The following ARMH3 variants were observed in gnomAD, a reference collection of about 807,000 sequenced individuals.
ARMH3 encodes the protein armadillo-like helical domain-containing protein 3.
Under a neutral mutation model 99.1 loss-of-function variants are expected in ARMH3, and 60 were observed. The ratio of observed to expected loss-of-function variants is 0.61; its 90% CI spans 0.49 to 0.75. The LOEUF (loss-of-function observed/expected upper bound fraction) is 0.75, where lower values mean the gene tolerates loss of function less well. Among genes scored for constraint, ARMH3 ranks in the 30% least tolerant of loss-of-function variants. The pLI is 0.00. For missense variants in ARMH3, 679 were observed against 843.1 expected, an observed-to-expected ratio of 0.81 and a Z score of 2.41; for synonymous variants, 285 against 292.8, an observed-to-expected ratio of 0.97 and a Z score of 0.27.
intron 22 of ARMH3, among the ~76,000 whole-genome samples, chr10:101,943,264 A>G (rs1348448209): frequency 6.6e-6 from 1 of 152,232 alleles, no homozygotes; most frequent in East Asian, 1.9e-4. Context: ...ATGGAAGAAG[A>G]AACTACCCAA....
chr10:101,955,283 T>C (rs1251029087), intron 22 of ARMH3, among the ~76,000 whole-genome samples: 1 of 152,216 alleles, frequency 6.6e-6, no homozygotes, highest in Non-Finnish European at 1.5e-5. Context: ...AGAGAGGAGA[T>C]ATTTTAAAAA....
chr10:102,006,465 T>C (rs2066490073), intron 14 of ARMH3, 75 bp downstream of exon 14: 14 of 1,505,572 alleles, frequency 9.3e-6, no homozygotes, highest in Non-Finnish European at 1.2e-5. Context: ...AGGTTCTTTG[T>C]TGAACACAGC....
At chr10:102,021,530 A>G (rs1162827613) in intron 8 of ARMH3, among the ~76,000 whole-genome samples, 1 of 151,152 alleles carries the variant, frequency 6.6e-6, no homozygotes, top group East Asian at 2.0e-4. Flanking sequence ...CTACAGATGC[A>G]TATCACCACA....
intron 23 of ARMH3, among the ~76,000 whole-genome samples, chr10:101,909,817 G>A (rs533475575): frequency 1.3e-5 from 2 of 151,702 alleles, no homozygotes; most frequent in East Asian, 1.9e-4. Flanking sequence ...AGCATCTCAC[G>A]TATCTCATAT....
At chr10:102,013,302 G>T (rs1318264435) in intron 9 of ARMH3, among the ~76,000 whole-genome samples, 1 of 152,150 alleles carries the variant, frequency 6.6e-6, no homozygotes, top group Non-Finnish European at 1.5e-5. Flanking sequence ...AAAGCCACAG[G>T]AATGTAAAGG....
intron 19 of ARMH3, among the ~76,000 whole-genome samples, chr10:101,984,067 A>G (rs1846349302): frequency 6.6e-6 from 1 of 152,152 alleles, no homozygotes; most frequent in African/African-American, 2.4e-5. Flanking sequence ...TCTGCTACAG[A>G]ACTGATTGCT....
intron 24 of ARMH3, among the ~76,000 whole-genome samples, chr10:101,887,505 C>T (rs1038742451): frequency 6.6e-6 from 1 of 151,790 alleles, no homozygotes; most frequent in Non-Finnish European, 1.5e-5. Context: ...CCTGGGTTCA[C>T]CTCAGCTCCC....
chr10:102,014,142 C>A, intron 8 of ARMH3, 118 bp from the exon 9 acceptor site: 1 of 715,000 alleles, frequency 1.4e-6, no homozygotes. Context: ...AGTGATGCTC[C>A]TGATACACAG....
At chr10:101,896,090 G>A (rs1321270798) in intron 23 of ARMH3, among the ~76,000 whole-genome samples, 1 of 152,164 alleles carries the variant, frequency 6.6e-6, no homozygotes, top group Non-Finnish European at 1.5e-5. Context: ...AATTAGCCGG[G>A]TATGGTGGCG....
At chr10:101,944,000 C>T (rs1434114069) in intron 22 of ARMH3, among the ~76,000 whole-genome samples, 2 of 147,372 alleles carry the variant, frequency 1.4e-5, no homozygotes, top group African/African-American at 5.0e-5. Flanking sequence ...GGAGGCGGAG[C>T]TTGCAGTGAG....
intron 23 of ARMH3, among the ~76,000 whole-genome samples, chr10:101,925,059 C>T (rs918904052): frequency 6.6e-6 from 1 of 152,064 alleles, no homozygotes; most frequent in Non-Finnish European, 1.5e-5. Context: ...CAAACCAAAA[C>T]AAAATACCAC....
chr10:101,942,708 A>C (rs1564776185), intron 22 of ARMH3, among the ~76,000 whole-genome samples: 1 of 151,476 alleles, frequency 6.6e-6, no homozygotes, highest in Non-Finnish European at 1.5e-5. Flanking sequence ...CTAAAGATAC[A>C]AAAAAAAATT....
At chr10:102,049,599 T>C (rs2067645317) in intron 1 of ARMH3, among the ~76,000 whole-genome samples, 1 of 150,454 alleles carries the variant, frequency 6.6e-6, no homozygotes, top group African/African-American at 2.4e-5. Context: ...TTTTTTTTTT[T>C]GAGATAGGGT....
In ARMH3 at chr10:101,857,726, G is replaced by A. The variant is rs76731511; in HGVS notation, c.1861-7834C>T. Among the ~76,000 whole-genome samples, 834 of 152,266 alleles carry A rather than the reference G, an allele frequency of 5.5e-3. 12 individuals are homozygous for A. The highest frequency in any genetic ancestry group is 0.012 in the South Asian group (59 of 4,826). The stretch of plus-strand genomic sequence containing the variant: ...CAAAAATGAGAATGACCTACTCAGG[G>A]CATTGCCTAATTCTCTTCTCTGGAT... On this transcript the variant is annotated intron_variant, in intron 24 of 25. Coordinates refer to ENST00000370033, the MANE Select transcript of ARMH3 (RefSeq NM_024541.3).
At chr10:102,055,917 G>A (rs939749569) in intron 1 of ARMH3, among the ~76,000 whole-genome samples, 168 bp downstream of exon 1, 1 of 152,132 alleles carries the variant, frequency 6.6e-6, no homozygotes, top group African/African-American at 2.4e-5. Context: ...CCCGGCATAC[G>A]CAGCTTCAGC....
chr10:101,973,867 C>T (rs11191163), intron 20 of ARMH3, among the ~76,000 whole-genome samples: 3,068 of 152,270 alleles, frequency 0.02, 52 homozygotes, highest in Non-Finnish European at 0.028. Flanking sequence ...ATAAATCCAA[C>T]AACTATACCA....
chr10:101,879,457 C>A (rs1415465213), intron 24 of ARMH3, among the ~76,000 whole-genome samples: 1 of 151,756 alleles, frequency 6.6e-6, no homozygotes, highest in Non-Finnish European at 1.5e-5. Flanking sequence ...TCAAGAGATT[C>A]TCCTGTCTCA....
chr10:101,873,366 C>T (rs929078462), intron 24 of ARMH3, among the ~76,000 whole-genome samples: 5 of 151,848 alleles, frequency 3.3e-5, no homozygotes, highest in South Asian at 2.1e-4. Flanking sequence ...GAGCCGAGAT[C>T]GCGCCACTGC....
intron 20 of ARMH3, among the ~76,000 whole-genome samples, chr10:101,958,920 G>C (rs571722213): frequency 3.3e-5 from 5 of 152,262 alleles, no homozygotes; most frequent in African/African-American, 1.2e-4. Flanking sequence ...AGAAACAGCA[G>C]GCAAGGAAAG....
Sources: gnomAD v4.1 joint callset for allele counts (sites outside exome capture counted in the v4.1 genomes callset) on GRCh38, gnomAD v4.1.1 for gene constraint, MANE v1.5 for transcripts, NCBI Gene and HGNC (gene_info 2026-07-23, HGNC 2026-07-21) for gene names.